The following RANGAP1 variants were observed in gnomAD, a reference collection of about 807,000 sequenced individuals.
RANGAP1 encodes the protein ran GTPase-activating protein 1.
In RANGAP1, 38 loss-of-function variants were observed where a neutral mutation model predicts 63.5. The ratio of observed to expected loss-of-function variants is 0.60; its 90% confidence interval spans 0.46 to 0.78. The LOEUF (loss-of-function observed/expected upper bound fraction) is 0.78, where lower values mean the gene tolerates loss of function less well. Among genes scored for constraint, RANGAP1 ranks in the 30% least tolerant of loss-of-function variants. The pLI is 0.00. For synonymous variants in RANGAP1, 329 were observed against 310.5 expected (o/e 1.06, Z -0.63); for missense variants, 630 against 740.3 (o/e 0.85, Z 1.73).
At position 41,251,062 on chromosome 22, in the gene RANGAP1, C is replaced by A. The variant is rs772841399; in HGVS notation, c.1428G>T (p.Val476=). ...TAGCTTCGTCCTTGAACACAGATGA[C>A]ACCTTTAGGAAGGCAGAGACCACCT... The part of the protein sequence containing the change: ...PEKVVSAFLK[V]SSVFKDEATV... Residue 476 remains valine, a synonymous_variant, in exon 13 of 16, where the codon GTG becomes GTT. Coordinates refer to ENST00000356244, the MANE Select transcript of RANGAP1 (RefSeq NM_002883.4). The A allele has an allele frequency of 6.2e-7, 1 of 1,614,152 alleles. No individual in the cohort carries two copies.
At chr22:41,292,820 T>C in the RANGAP1 span, among the ~76,000 whole-genome samples, 1 of 152,056 alleles carries the variant, frequency 6.6e-6, no homozygotes, top group Admixed American at 6.6e-5. Context: ...TAATGAAAAC[T>C]GAGCTGGGCA....
intron 4 of RANGAP1, among the ~76,000 whole-genome samples, chr22:41,267,482 C>T (rs970711682): frequency 1.3e-5 from 2 of 152,118 alleles, no homozygotes; most frequent in African/African-American, 4.8e-5. Flanking sequence ...TGAGAGGCTG[C>T]CGACCACCAG....
intron 3 of RANGAP1, 142 bp from the exon 4 acceptor site, chr22:41,268,298 C>A: frequency 1.4e-6 from 1 of 706,876 alleles, no homozygotes; most frequent in Admixed American, 2.3e-5. Flanking sequence ...TCTTGTTGCC[C>A]AGGCTGGAGT....
intron 11 of RANGAP1, 145 bp from the exon 12 acceptor site, chr22:41,253,136 T>G: frequency 3.4e-6 from 3 of 877,590 alleles, no homozygotes; most frequent in South Asian, 3.9e-5. Context: ...CCCACTCAGC[T>G]GCATTTCCCA....
intron 4 of RANGAP1, among the ~76,000 whole-genome samples, chr22:41,266,201 CAAA>C (rs35457855): frequency 5.1e-5 from 6 of 117,936 alleles, no homozygotes; most frequent in Admixed American, 8.0e-5. Flanking sequence ...GACTCCGCCT[CAAA>C]AAAAAAAAAA....
Position 41,245,230 on chromosome 22 carries a change from C to T in RANGAP1, c.*1373G>A, listed in dbSNP as rs1187612592. Reference sequence around the variant, plus strand: ...AACCTTGGAGGGACTTCTTGGAGGCCGTTTGTGGGGGACATGGGCTCCCAA... The same window carrying T: ...AACCTTGGAGGGACTTCTTGGAGGCTGTTTGTGGGGGACATGGGCTCCCAA... On this transcript the variant is annotated 3_prime_UTR_variant, in exon 16 of 16. Coordinates refer to ENST00000356244, the MANE Select transcript of RANGAP1 (RefSeq NM_002883.4). Among the ~76,000 whole-genome samples, 2 of 152,130 alleles carry T rather than the reference C, an allele frequency of 1.3e-5. No homozygotes were observed. Among genetic ancestry groups the T allele is most frequent in the African/African-American group, 4.8e-5 (2 of 41,422 alleles).
At chr22:41,251,644 A>G (rs1382078989) in intron 12 of RANGAP1, among the ~76,000 whole-genome samples, 1 of 151,822 alleles carries the variant, frequency 6.6e-6, no homozygotes, top group Non-Finnish European at 1.5e-5. Flanking sequence ...AAAAAAAAAA[A>G]TCATTTCAGG....
rs35627809 is a variant in RANGAP1 at position 41,271,386 on chromosome 22, T to TAAAAA, written c.240+3209_240+3213dup. On this transcript the variant is annotated intron_variant, in intron 3 of 15. Coordinates refer to ENST00000356244, the MANE Select transcript of RANGAP1 (RefSeq NM_002883.4). ...CTGGGCAATGGCGTGAAACTGTCTCTAAAAAAAAACAAAAAAAAAAAACAA... is the reference window on the plus strand; with the variant it reads ...CTGGGCAATGGCGTGAAACTGTCTCTAAAAAAAAAAAAAACAAAAAAAAAAAACAA... Among the ~76,000 whole-genome samples, 4 of 91,972 alleles carry TAAAAA rather than the reference T, an allele frequency of 4.3e-5. 1 individual carries two copies. The highest frequency in any genetic ancestry group is 1.4e-4 in the Admixed American group (1 of 7,188). 60.3% of individuals were successfully genotyped at this position (91,972 alleles called of 152,430 possible). A position where few individuals can be genotyped will look rare whatever the true frequency, so the allele number is the denominator to read the frequency against.
In RANGAP1 at chr22:41,254,376, G is replaced by GCTCTTCTTCCTCCTCCTCCTC; in HGVS notation, c.1171_1191dup (p.Glu391_Glu397dup). 1.2e-6 allele frequency: 2 copies of GCTCTTCTTCCTCCTCCTCCTC among 1,613,916 alleles called. No homozygotes were observed. Among genetic ancestry groups the GCTCTTCTTCCTCCTCCTCCTC allele is most frequent in the South Asian group, 2.2e-5 (2 of 91,072 alleles). On this transcript the variant is annotated inframe_insertion, in exon 11 of 16. Transcript: ENST00000356244. ...TTCTCTCCCTGCCCTCGCTGCTGAG[G>GCTCTTCTTCCTCCTCCTCCTC]CTCTTCTTCCTCCTCCTCCTCCTCT...
At chr22:41,282,275 G>A (rs563757470) in intron 1 of RANGAP1, 1 of 152,352 alleles carries the variant, frequency 6.6e-6, no homozygotes, top group South Asian at 2.1e-4. Flanking sequence ...ACTCCAGCCT[G>A]GGCAACAGCG....
At chr22:41,249,670 A>G in intron 14 of RANGAP1, 59 bp downstream of exon 14, 1 of 1,564,914 alleles carries the variant, frequency 6.4e-7, no homozygotes, top group South Asian at 1.1e-5. Flanking sequence ...TGGCTGGGGC[A>G]GCTTCTGTGC....
rs556869373 is a variant in RANGAP1, at chr22:41,254,464, TTCC to T, written c.1101_1103del (p.Glu368del). ...CTGCTTCCTCTTCTTCCTCTTCTCC[TTCC>T]TCCTCCTCCTCCTCGTCCTCGTCAT... is the stretch of plus-strand genomic sequence containing the variant. On this transcript the variant is annotated inframe_deletion, in exon 11 of 16. Transcript: ENST00000356244. 1.3e-3 allele frequency: 1,975 copies of T among 1,534,416 alleles called. No individual in the cohort carries two copies. The highest frequency in any genetic ancestry group is 3.0e-3 in the Admixed American group (170 of 56,766).
At chr22:41,284,472 CAGG>C (rs2035654427) in intron 1 of RANGAP1, among the ~76,000 whole-genome samples, 1 of 151,714 alleles carries the variant, frequency 6.6e-6, no homozygotes, top group Non-Finnish European at 1.5e-5. Flanking sequence ...GAGGCTGAGG[CAGG>C]AGAATCGCTT....
chr22:41,254,451 C>A lies in RANGAP1; in HGVS notation c.1117G>T (p.Glu373Ter). Reference sequence around the variant, plus strand: ...TCCTCCTCTTCTTCTGCTTCCTCTTCTTCCTCTTCTCCTTCCTCCTCCTCC... The same window carrying A: ...TCCTCCTCTTCTTCTGCTTCCTCTTATTCCTCTTCTCCTTCCTCCTCCTCC... ...EEEEEEGEEE[E>*]EEAEEEEEED... Residue 373 changes from glutamate (E) to a stop codon, truncating the protein, a stop_gained, in exon 11 of 16, where the codon GAA becomes TAA. Coordinates refer to ENST00000356244, the MANE Select transcript of RANGAP1 (RefSeq NM_002883.4). LOFTEE classifies it high-confidence loss of function. 1 of 1,610,398 alleles carries A rather than the reference C, an allele frequency of 6.2e-7. No homozygotes were observed. Among genetic ancestry groups the A allele is most frequent in the Non-Finnish European group, 8.5e-7 (1 of 1,178,876 alleles).
At chr22:41,262,344 C>T (rs372922081) in intron 5 of RANGAP1, among the ~76,000 whole-genome samples, 24 of 152,118 alleles carry the variant, frequency 1.6e-4, no homozygotes, top group African/African-American at 5.8e-4. Context: ...GCGAGTGCAC[C>T]GAGAGAAGTG....
At position 41,280,913 on chromosome 22, in the gene RANGAP1, C is replaced by T. The variant is rs1292100223; in HGVS notation, c.112+20G>A. The stretch of plus-strand genomic sequence containing the variant: ...CTCTCCTCCCCTGGACACACCAGTG[C>T]ACAACTTCCAGAAACTCACCATCTT... On this transcript the variant is annotated intron_variant, in intron 2 of 15. Coordinates refer to ENST00000356244, the MANE Select transcript of RANGAP1 (RefSeq NM_002883.4). 1 of 1,613,670 alleles carries T rather than the reference C, an allele frequency of 6.2e-7. No homozygotes were observed. Among genetic ancestry groups the T allele is most frequent in the East Asian group, 2.2e-5 (1 of 44,878 alleles).
At chr22:41,267,354 G>A (rs2034541038) in intron 4 of RANGAP1, among the ~76,000 whole-genome samples, 1 of 152,056 alleles carries the variant, frequency 6.6e-6, no homozygotes, top group Non-Finnish European at 1.5e-5. Flanking sequence ...AAAAATAAAA[G>A]GAGGTTGGGC....
intron 2 of RANGAP1, 55 bp downstream of exon 2, chr22:41,280,878 A>G: frequency 1.9e-6 from 3 of 1,609,194 alleles, no homozygotes; most frequent in Non-Finnish European, 2.5e-6. Flanking sequence ...GTAAGAGTTC[A>G]GTACACTCCC....
At chr22:41,248,867 G>A (rs1005646126) in intron 15 of RANGAP1, among the ~76,000 whole-genome samples, 4 of 152,244 alleles carry the variant, frequency 2.6e-5, no homozygotes, top group Non-Finnish European at 5.9e-5. Context: ...GTCCCCAGGA[G>A]AGGGCCCGGG....
Sources: allele counts gnomAD v4.1 joint callset (sites outside exome capture counted in the v4.1 genomes callset), GRCh38; gene constraint gnomAD v4.1.1; transcripts MANE v1.5; gene names NCBI Gene and HGNC (gene_info 2026-07-23, HGNC 2026-07-21).